The following MTUS2 variants were observed in gnomAD, a reference collection of about 807,000 sequenced individuals.
The protein encoded by MTUS2 is microtubule-associated tumor suppressor candidate 2.
MTUS2 carries 40 observed loss-of-function variants against 114.1 expected under a neutral mutation model. The ratio of observed to expected loss-of-function variants is 0.35; its 90% CI spans 0.27 to 0.46. The LOEUF (loss-of-function observed/expected upper bound fraction) is 0.46, where lower values mean the gene tolerates loss of function less well. MTUS2 is among the 20% of genes least tolerant of loss of function. The pLI is 1.00. For synonymous variants in MTUS2, 688 were observed against 672.0 expected, an observed-to-expected ratio of 1.02 and a Z score of -0.37; for missense variants, 1,679 against 1,705.4, an observed-to-expected ratio of 0.98 and a Z score of 0.27.
At chr13:29,141,886 C>T (rs575504035) in intron 5 of MTUS2, among the ~76,000 whole-genome samples, 2 of 145,328 alleles carry the variant, frequency 1.4e-5, no homozygotes, top group South Asian at 4.4e-4. Context: ...TTGAGATGGA[C>T]TCTCACGCTG....
At chr13:29,223,459 C>T (rs748831920) in intron 5 of MTUS2, among the ~76,000 whole-genome samples, 20 of 151,980 alleles carry the variant, frequency 1.3e-4, no homozygotes, top group African/African-American at 2.2e-4. Context: ...ACAACCTGCC[C>T]GTGGACATGA....
At chr13:29,422,651 T>TTC (rs1876205439) in intron 8 of MTUS2, among the ~76,000 whole-genome samples, 1 of 134,440 alleles carries the variant, frequency 7.4e-6, no homozygotes, top group African/African-American at 2.9e-5. Flanking sequence ...TTCTTTTCTT[T>TTC]TTTTTTTTTT....
intron 5 of MTUS2, among the ~76,000 whole-genome samples, chr13:29,207,467 A>G (rs1295609060): frequency 1.3e-5 from 2 of 152,194 alleles, no homozygotes; most frequent in African/African-American, 4.8e-5. Flanking sequence ...TTTGTTGAAT[A>G]GAAGTGGTGA....
intron 8 of MTUS2, among the ~76,000 whole-genome samples, chr13:29,391,265 T>G (rs1356283653): frequency 6.6e-6 from 1 of 152,172 alleles, no homozygotes; most frequent in Non-Finnish European, 1.5e-5. Context: ...AATTTTTGTA[T>G]TTTTAGTAGA....
chr13:29,501,126 G>A lies in MTUS2; in HGVS notation c.3828G>A (p.Lys1276=), dbSNP rs868206601. Residue 1276 remains lysine, a synonymous_variant, in exon 15 of 16, where the codon AAG becomes AAA. Coordinates refer to ENST00000612955, the MANE Select transcript of MTUS2 (RefSeq NM_001033602.4). ...LAEKNIILEE[K]IQVLQQQNED... ...AAAAGAACATTATCCTAGAAGAAAA[G>A]ATCCAGGTTCTCCAACAGCAGAACG... The A allele has an allele frequency of 6.2e-7, 1 of 1,614,096 alleles. No individual in the cohort carries two copies. The highest frequency in any genetic ancestry group is 8.5e-7 in the Non-Finnish European group (1 of 1,179,988).
At chr13:28,820,276 C>A (rs1445775004), upstream of MTUS2, 1 of 147,168 alleles carries the variant, frequency 6.8e-6, no homozygotes, top group Non-Finnish European at 1.5e-5. Context: ...TGGGCGGTGC[C>A]TGCGCCGAGG....
intron 2 of MTUS2, among the ~76,000 whole-genome samples, chr13:28,980,647 A>G (rs1884319111): frequency 6.6e-6 from 1 of 152,242 alleles, no homozygotes; most frequent in Non-Finnish European, 1.5e-5. Context: ...TTGTACAAAC[A>G]CTGCTGTGAT....
intron 9 of MTUS2, among the ~76,000 whole-genome samples, chr13:29,452,046 G>A (rs1172624212): frequency 6.6e-6 from 1 of 152,196 alleles, no homozygotes; most frequent in Non-Finnish European, 1.5e-5. Flanking sequence ...AACCAGTGAT[G>A]TCAACTGCCG....
At chr13:29,354,018 C>T (rs567720578) in intron 7 of MTUS2, among the ~76,000 whole-genome samples, 2 of 152,174 alleles carry the variant, frequency 1.3e-5, no homozygotes, top group Non-Finnish European at 2.9e-5. Context: ...CGCACTAACT[C>T]CTGACCTCCC....
chr13:28,841,964 C>T lies in MTUS2; in HGVS notation c.-243+2114C>T, dbSNP rs374937311. Among the ~76,000 whole-genome samples the T allele has an allele frequency of 7.7e-4, 117 of 152,292 alleles. 1 individual carries two copies. In the East Asian group the frequency reaches 0.017, roughly 22 times the overall value. ...CCTCCCAAATTGCTGGGATTACAGG[C>T]GTGAGCCACCGCGCCCGGCCAAAGT... On this transcript the variant is annotated intron_variant, in intron 2 of 15. Transcript: ENST00000612955.
intron 2 of MTUS2, among the ~76,000 whole-genome samples, chr13:28,930,446 A>G (rs890366666): frequency 6.6e-6 from 1 of 152,122 alleles, no homozygotes; most frequent in Non-Finnish European, 1.5e-5. Context: ...TGGGCTGGGA[A>G]TGGGAGCCAG....
At chr13:29,114,804 G>A (rs553118479) in intron 5 of MTUS2, among the ~76,000 whole-genome samples, 61 of 152,374 alleles carry the variant, frequency 4.0e-4, no homozygotes, top group African/African-American at 1.4e-3. Context: ...GCTTGAGGCA[G>A]TTCTTGGGAT....
intron 5 of MTUS2, among the ~76,000 whole-genome samples, chr13:29,225,575 A>G (rs1006287149): frequency 6.6e-6 from 1 of 152,234 alleles, no homozygotes; most frequent in Non-Finnish European, 1.5e-5. Flanking sequence ...AGACATCTGA[A>G]TAGTTTATCT....
chr13:29,077,346 T>C (rs1889236237), intron 4 of MTUS2, among the ~76,000 whole-genome samples: 1 of 152,006 alleles, frequency 6.6e-6, no homozygotes, highest in Non-Finnish European at 1.5e-5. Flanking sequence ...TAACAAAGTA[T>C]CTGTGAAAGG....
chr13:29,415,943 G>A (rs1875627192), intron 8 of MTUS2, among the ~76,000 whole-genome samples: 1 of 151,892 alleles, frequency 6.6e-6, no homozygotes, highest in Admixed American at 6.6e-5. Context: ...TTTACTTTAA[G>A]ATGGAGTTTC....
chr13:29,207,855 G>T (rs757313082), intron 5 of MTUS2, among the ~76,000 whole-genome samples: 1 of 151,992 alleles, frequency 6.6e-6, no homozygotes, highest in Non-Finnish European at 1.5e-5. Flanking sequence ...TTGCATCTAT[G>T]TTCATTATGG....
At position 29,026,309 on chromosome 13, in the gene MTUS2, C is replaced by A. The variant is rs1351113920; in HGVS notation, c.1611C>A (p.His537Gln). 1 of 1,614,008 alleles carries A rather than the reference C, an allele frequency of 6.2e-7. No individual in the cohort carries two copies. The highest frequency in any genetic ancestry group is 1.1e-5 in the South Asian group (1 of 91,074). Reference protein sequence around the residue: ...DSVLNIPAPLHPETTVNMTYQ... With the variant: ...DSVLNIPAPLQPETTVNMTYQ... ...TTCTCAATATTCCAGCACCCCTCCA[C>A]CCAGAGACAACTGTGAACATGACCT... Residue 537 changes from histidine (H) to glutamine (Q), a missense_variant, in exon 3 of 16, where the codon CAC becomes CAA. Physicochemically the swap from His to Gln is conservative, Grantham distance 24. This residue lies in a region of MTUS2 where 843 missense variants were observed against 770.8 expected (regional missense o/e 1.09). Transcript: ENST00000612955.
intron 5 of MTUS2, among the ~76,000 whole-genome samples, chr13:29,111,484 A>T (rs1387661828): frequency 2.0e-5 from 3 of 152,220 alleles, no homozygotes. Context: ...GAAGAGGAGG[A>T]GGAAACATTT....
chr13:29,223,752 AGAAAG>A (rs1235809047), intron 5 of MTUS2, among the ~76,000 whole-genome samples: 1 of 152,190 alleles, frequency 6.6e-6, no homozygotes, highest in African/African-American at 2.4e-5. Flanking sequence ...GAAGGAGAGA[AGAAAG>A]GAGAGAGGAT....
Sources: allele counts gnomAD v4.1 joint callset (sites outside exome capture counted in the v4.1 genomes callset), GRCh38; gene constraint gnomAD v4.1.1; regional missense constraint gnomAD v4.1.1; transcripts MANE v1.5; gene names NCBI Gene and HGNC (gene_info 2026-07-23, HGNC 2026-07-21).